The following WDR75 variants were observed in gnomAD, a reference collection of about 807,000 sequenced individuals.
WDR75 encodes the protein WD repeat-containing protein 75.
Under a neutral mutation model 106.1 loss-of-function variants are expected in WDR75, and 52 were observed. That is an observed-to-expected ratio of 0.49 (90% confidence interval 0.39 to 0.62). The LOEUF (loss-of-function observed/expected upper bound fraction) is 0.62, where lower values mean the gene tolerates loss of function less well. Among genes scored for constraint, WDR75 ranks in the 20% least tolerant of loss-of-function variants. WDR75 has a pLI of 0.00. For synonymous variants in WDR75, 333 were observed against 335.5 expected, an observed-to-expected ratio of 0.99 and a Z score of 0.08; for missense variants, 905 against 970.3, an observed-to-expected ratio of 0.93 and a Z score of 0.89.
chr2:189,457,361 C>G lies in WDR75; in HGVS notation c.549C>G (p.Phe183Leu). ...AATTTTACTTGTCTGTTTATTTTTT[C>G]AAAAAGAAAACAACATCAAGGTAAG... ...VREFYLSVYF[F>L]KKKTTSRFTL... The change falls in exon 6 of 21, where the codon TTC becomes TTG. Residue 183 changes from phenylalanine to leucine, a missense_variant. Phe to Leu is a conservative substitution (Grantham distance 22). Coordinates refer to ENST00000314761, the MANE Select transcript of WDR75 (RefSeq NM_032168.3). 6.3e-7 allele frequency: 1 copy of G among 1,598,296 alleles called. No individual in the cohort carries two copies. Among genetic ancestry groups the G allele is most frequent in the East Asian group, 2.2e-5 (1 of 44,628 alleles).
At chr2:189,465,711 T>A (rs1023711293) in intron 12 of WDR75, among the ~76,000 whole-genome samples, 1 of 152,126 alleles carries the variant, frequency 6.6e-6, no homozygotes, top group African/African-American at 2.4e-5. Context: ...AGAACTTGGC[T>A]TAGAGCTTTG....
At chr2:189,463,529 C>T (rs1394052688) in intron 9 of WDR75, among the ~76,000 whole-genome samples, 165 bp from the exon 10 acceptor site, 3 of 151,966 alleles carry the variant, frequency 2.0e-5, no homozygotes, top group Non-Finnish European at 2.9e-5. Context: ...ATAAAATATA[C>T]TAACACTAAT....
chr2:189,471,957 T>C (rs369943926), intron 18 of WDR75, among the ~76,000 whole-genome samples: 1 of 152,242 alleles, frequency 6.6e-6, no homozygotes, highest in East Asian at 1.9e-4. Context: ...TATTATTTTA[T>C]AATTTCCATT....
chr2:189,444,730 A>G (rs371213088), intron 1 of WDR75, among the ~76,000 whole-genome samples: 1 of 152,132 alleles, frequency 6.6e-6, no homozygotes, highest in Admixed American at 6.5e-5. Flanking sequence ...CTCCTTAACT[A>G]TAGCTCCTCT....
At chr2:189,447,730 T>G (rs1686529878) in intron 1 of WDR75, among the ~76,000 whole-genome samples, 1 of 152,226 alleles carries the variant, frequency 6.6e-6, no homozygotes, top group Non-Finnish European at 1.5e-5. Flanking sequence ...AATGAACTGA[T>G]TGGTCATAGA....
intron 2 of WDR75, 135 bp from the exon 3 acceptor site, chr2:189,450,768 A>G (rs1229811034): frequency 6.9e-7 from 1 of 1,458,604 alleles, no homozygotes; most frequent in East Asian, 2.7e-5. Context: ...CAATATAAAT[A>G]AATGACTCTA....
chr2:189,462,794 C>T (rs1686924170), intron 9 of WDR75, 152 bp downstream of exon 9: 1 of 626,942 alleles, frequency 1.6e-6, no homozygotes, highest in Non-Finnish European at 2.6e-6. Context: ...CTCTTTTCCA[C>T]CCCTCTCTAC....
At chr2:189,444,753 A>T (rs183673515) in intron 1 of WDR75, among the ~76,000 whole-genome samples, 1 of 152,048 alleles carries the variant, frequency 6.6e-6, no homozygotes, top group African/African-American at 2.4e-5. Flanking sequence ...ATGGCTTTCA[A>T]TCCCTTCTCT....
rs778063866 is a variant in WDR75, at chr2:189,474,194, A to C, written c.2058A>C (p.Ala686=). 11 of 1,608,778 alleles carry C rather than the reference A, an allele frequency of 6.8e-6. No individual in the cohort carries two copies. The highest frequency in any genetic ancestry group is 1.3e-5 in the African/African-American group (1 of 74,546). Residue 686 remains alanine, a synonymous_variant, in exon 19 of 21, where the codon GCA becomes GCC. Coordinates refer to ENST00000314761, the MANE Select transcript of WDR75 (RefSeq NM_032168.3). ...KLTPTSKQLL[A]EESLPTTPFY... is the part of the protein sequence containing the mutation. Reference sequence around the variant, plus strand: ...GTCTTAAATCCTTAAAGCTGCTAGCAGAAGAAAGTCTTCCCACAACCCCAT... The same window carrying C: ...GTCTTAAATCCTTAAAGCTGCTAGCCGAAGAAAGTCTTCCCACAACCCCAT...
intron 1 of WDR75, among the ~76,000 whole-genome samples, chr2:189,442,824 T>C (rs1173279384): frequency 1.3e-5 from 2 of 152,154 alleles, no homozygotes; most frequent in Admixed American, 6.5e-5. Context: ...AAAGAGCTTT[T>C]ATAAATTGCC....
intron 1 of WDR75, among the ~76,000 whole-genome samples, chr2:189,445,160 C>A (rs1686469887): frequency 6.6e-6 from 1 of 152,200 alleles, no homozygotes; most frequent in South Asian, 2.1e-4. Flanking sequence ...GTGTTATTTA[C>A]ATTTTACAGT....
At chr2:189,470,269 C>A in intron 17 of WDR75, 24 bp downstream of exon 17, 1 of 1,602,950 alleles carries the variant, frequency 6.2e-7, no homozygotes, top group South Asian at 1.1e-5. Context: ...TCAAAAAAGG[C>A]GATCACTTTG....
intron 1 of WDR75, among the ~76,000 whole-genome samples, chr2:189,441,854 G>T (rs765397243): frequency 6.6e-6 from 1 of 152,198 alleles, no homozygotes. Context: ...TGTTCGGGCG[G>T]CTGGAAAATG....
intron 9 of WDR75, 23 bp downstream of exon 9, chr2:189,462,665 G>T: frequency 6.2e-7 from 1 of 1,607,632 alleles, no homozygotes. Context: ...TTTTTATTAT[G>T]AGGAAATATA....
Position 189,465,093 on chromosome 2 carries a change from G to A in WDR75, c.1128G>A (p.Gln376=). The A allele has an allele frequency of 1.3e-6, 2 of 1,594,436 alleles. No individual in the cohort carries two copies. The highest frequency in any genetic ancestry group is 2.2e-5 in the East Asian group (1 of 44,658). The change falls in exon 12 of 21, where the codon CAG becomes CAA. Residue 376 remains glutamine, a synonymous_variant. Transcript: ENST00000314761. ...DKQLYNLDII[Q]QEYINDYGLI... ...TTACTCATCAGTTAGATATTATACA[G>A]CAAGAATATATTAATGATTATGGTC...
chr2:189,443,494 G>A (rs146666445), intron 1 of WDR75, among the ~76,000 whole-genome samples: 41 of 152,288 alleles, frequency 2.7e-4, no homozygotes, highest in Non-Finnish European at 4.0e-4. Context: ...TTAAGGGGAC[G>A]GCGGTAATCA....
At chr2:189,454,938 A>G (rs1196019347) in intron 4 of WDR75, among the ~76,000 whole-genome samples, 1 of 152,194 alleles carries the variant, frequency 6.6e-6, no homozygotes, top group African/African-American at 2.4e-5. Context: ...AATAAATTCT[A>G]GAGTACTGAT....
chr2:189,449,128 T>G, intron 2 of WDR75: 1 of 648,756 alleles, frequency 1.5e-6, no homozygotes, highest in South Asian at 1.7e-5. Context: ...TATTTAAGAA[T>G]AATGAAATGG....
rs774833326 is a variant in WDR75, at chr2:189,459,333, T to C, written c.690-3T>C. Reference sequence around the variant, plus strand: ...AAATAAGAGTTTTATCTTTCTCCAATAGGAGGAATTTTTATGATGATAAGA... The same window carrying C: ...AAATAAGAGTTTTATCTTTCTCCAACAGGAGGAATTTTTATGATGATAAGA... On this transcript the variant is annotated splice_region_variant and splice_polypyrimidine_tract_variant and intron_variant, in intron 7 of 20. Coordinates refer to ENST00000314761, the MANE Select transcript of WDR75 (RefSeq NM_032168.3). 2 of 1,603,576 alleles carry C rather than the reference T, an allele frequency of 1.2e-6. No individual in the cohort carries two copies. Among genetic ancestry groups the C allele is most frequent in the Admixed American group, 1.7e-5 (1 of 58,060 alleles).
Sources: gnomAD v4.1 joint callset for allele counts (sites outside exome capture counted in the v4.1 genomes callset) on GRCh38, gnomAD v4.1.1 for gene constraint, MANE v1.5 for transcripts, NCBI Gene and HGNC (gene_info 2026-07-23, HGNC 2026-07-21) for gene names.